Variants in ZNF470 observed in about 807,000 individuals in gnomAD.
ZNF470 encodes zinc finger protein 470.
A neutral mutation model predicts 13.9 loss-of-function variants in ZNF470; 13 were observed. The ratio of observed to expected loss-of-function variants is 0.94; its 90% CI spans 0.61 to 1.49. The LOEUF (loss-of-function observed/expected upper bound fraction) is 1.49, where lower values mean the gene tolerates loss of function less well. Among genes scored for constraint, ZNF470 ranks in the 40% most tolerant of loss-of-function variants. The pLI is 0.00. For missense variants in ZNF470, 929 were observed against 857.3 expected, an observed-to-expected ratio of 1.08 and a Z score of -1.04; for synonymous variants, 293 against 282.9, an observed-to-expected ratio of 1.04 and a Z score of -0.36.
In ZNF470 at chr19:56,574,044, T is replaced by C; in HGVS notation, c.61-350T>C. 2.7e-6 allele frequency: 2 copies of C among 746,296 alleles called. 1 individual carries two copies. The highest frequency in any genetic ancestry group is 1.3e-3 in the Middle Eastern group (2 of 1,482). 46.2% of individuals were successfully genotyped at this position (746,296 alleles called of 1,614,324 possible). A position where few individuals can be genotyped will look rare whatever the true frequency, so the allele number is the denominator to read the frequency against. The stretch of plus-strand genomic sequence containing the variant: ...TCCAGAGCTCTTTAGCTTCTCCATG[T>C]AGAGAAGTGATTTAGCTCCTAACAT... On this transcript the variant is annotated intron_variant, in intron 3 of 5. Coordinates refer to ENST00000330619, the MANE Select transcript of ZNF470 (RefSeq NM_001001668.4).
In ZNF470 at chr19:56,580,155, G is replaced by A. The variant is rs756516796; in HGVS notation, c.*1572G>A. 147 of 984,390 alleles carry A rather than the reference G, an allele frequency of 1.5e-4. No individual in the cohort carries two copies. Among genetic ancestry groups the A allele is most frequent in the Non-Finnish European group, 1.6e-4 (135 of 829,520 alleles). The allele number at this position is 984,390 out of a possible 1,614,324, so 61.0% of individuals were successfully genotyped here. ...AGGCACCTTACTATCCCCAGAACAT[G>A]TTGGTATTAGAGGATGAGGGAAGAA... On this transcript the variant is annotated 3_prime_UTR_variant, in exon 6 of 6. Transcript: ENST00000330619.
intron 3 of ZNF470, chr19:56,573,776 T>C (rs1419230763): frequency 1.7e-5 from 3 of 181,186 alleles, no homozygotes; most frequent in African/African-American, 7.1e-5. Context: ...ACCCTGTCTC[T>C]ACAAAATGAA....
intron 1 of ZNF470, among the ~76,000 whole-genome samples, chr19:56,568,477 C>G (rs946766848): frequency 6.6e-6 from 1 of 152,180 alleles, no homozygotes; most frequent in Non-Finnish European, 1.5e-5. Context: ...TCCAGCCTTT[C>G]TATGGCTTAA....
rs2044494278 is a variant in ZNF470 at position 56,577,099 on chromosome 19, GA to G, written c.674del (p.Lys225ArgfsTer4). On this transcript the variant is annotated frameshift_variant, in exon 6 of 6. Transcript: ENST00000330619. LOFTEE classifies it low-confidence loss of function (END_TRUNC). ...VVKKHKQDRGEKKLLKCNDCE... is the reference protein window; with the variant it reads ...VVKKHKQDRGXKKLLKCNDCE... ...GAAAAAACACAAGCAAGACCGTGGA[GA>G]AAAGAAACTTTTAAAATGTAATGAC... is the stretch of plus-strand genomic sequence containing the variant. 3.1e-6 allele frequency: 5 copies of G among 1,608,324 alleles called. No individual in the cohort carries two copies. In the Admixed American group the frequency reaches 5.1e-5, roughly 17 times the overall value.
At chr19:56,574,838 T>C in intron 5 of ZNF470, 105 bp downstream of exon 5, 1 of 953,824 alleles carries the variant, frequency 1.0e-6, no homozygotes, top group South Asian at 1.7e-5. Flanking sequence ...CTGAAACTTG[T>C]TCTTCTAACA....
At chr19:56,573,355 A>AT (rs1416050673) in intron 3 of ZNF470, among the ~76,000 whole-genome samples, 1 of 152,208 alleles carries the variant, frequency 6.6e-6, no homozygotes, top group Admixed American at 6.5e-5. Context: ...TTCAGATGGG[A>AT]AAACTGAGGC....
intron 1 of ZNF470, among the ~76,000 whole-genome samples, chr19:56,568,544 C>T (rs1031659123): frequency 6.6e-6 from 1 of 152,120 alleles, no homozygotes; most frequent in Non-Finnish European, 1.5e-5. Context: ...TCTCCCTCCC[C>T]TCTGGCCTCC....
Position 56,576,768 on chromosome 19 carries a change from A to G in ZNF470, c.339A>G (p.Glu113=). The change falls in exon 6 of 6, where the codon GAA becomes GAG. Residue 113 remains glutamate, a synonymous_variant. Coordinates refer to ENST00000330619, the MANE Select transcript of ZNF470 (RefSeq NM_001001668.4). The part of the protein sequence containing the change: ...KSLSLNQDIY[E]EKLPPAIIME... ...TATCTTTAAACCAGGATATTTATGA[A>G]GAAAAATTACCCCCGGCAATCATAA... 6.6e-7 allele frequency: 1 copy of G among 1,526,644 alleles called. No homozygotes were observed. Among genetic ancestry groups the G allele is most frequent in the Non-Finnish European group, 8.8e-7 (1 of 1,142,452 alleles). The allele number at this position is 1,526,644 out of a possible 1,614,324, so 94.6% of individuals were successfully genotyped here. A position where few individuals can be genotyped will look rare whatever the true frequency, so the allele number is the denominator to read the frequency against.
chr19:56,569,346 G>T (rs2044434201), intron 2 of ZNF470, among the ~76,000 whole-genome samples: 1 of 152,182 alleles, frequency 6.6e-6, no homozygotes, highest in African/African-American at 2.4e-5. Flanking sequence ...AAGTCACATG[G>T]ACTCTGTTGT....
At position 56,577,652 on chromosome 19, in the gene ZNF470, A is replaced by T. The variant is rs202150794; in HGVS notation, c.1223A>T (p.Asp408Val). Residue 408 changes from aspartate to valine, a missense_variant, in exon 6 of 6, where the codon GAT (aspartate) becomes GTT (valine). Asp to Val is a radical substitution (Grantham distance 152). Transcript: ENST00000330619. ...ATTGATTGTGGGAAGGCTTTCACTGATCACATAGGACTTATTCAGCATAAG... is the reference window on the plus strand; with the variant it reads ...ATTGATTGTGGGAAGGCTTTCACTGTTCACATAGGACTTATTCAGCATAAG... ...DCIDCGKAFT[D>V]HIGLIQHKRT... is the part of the protein sequence containing the mutation. 3.9e-4 allele frequency: 633 copies of T among 1,611,114 alleles called. 1 individual carries two copies. The highest frequency in any genetic ancestry group is 5.0e-4 in the Non-Finnish European group (585 of 1,177,670).
In ZNF470 at chr19:56,574,502, A is replaced by G. The variant is rs777878952; in HGVS notation, c.169A>G (p.Arg57Gly). Residue 57 changes from arginine (R) to glycine (G), a missense_variant, in exon 4 of 6, where the codon AGG becomes GGG. Arg to Gly is a moderately radical substitution (Grantham distance 125). Coordinates refer to ENST00000330619, the MANE Select transcript of ZNF470 (RefSeq NM_001001668.4). Reference protein sequence around the residue: ...LYKKVMLENYRNLVSVGLCIS... With the variant: ...LYKKVMLENYGNLVSVGLCIS... The stretch of plus-strand genomic sequence containing the variant: ...CAAGAAGGTGATGTTAGAAAACTAC[A>G]GGAACCTAGTTTCAGTGGGTAAGAG... The G allele has an allele frequency of 3.7e-6, 6 of 1,613,900 alleles. No individual in the cohort carries two copies. Among genetic ancestry groups the G allele is most frequent in the Admixed American group, 1.7e-5 (1 of 60,028 alleles).
intron 5 of ZNF470, 54 bp from the exon 6 acceptor site, chr19:56,576,659 T>C (rs1032075355): frequency 2.2e-5 from 30 of 1,342,820 alleles, no homozygotes; most frequent in Non-Finnish European, 2.9e-5. Flanking sequence ...TTTCGAAATT[T>C]CCATTATTCT....
rs758027055 is a variant in ZNF470 at position 56,577,212 on chromosome 19, T to G, written c.783T>G (p.Cys261Trp). ...AGAAACCCTATGAATGTATTGAATGTGGAAAGGCCTTTAGCCAGAGTGCCC... is the reference window on the plus strand; with the variant it reads ...AGAAACCCTATGAATGTATTGAATGGGGAAAGGCCTTTAGCCAGAGTGCCC... ...TGEKPYECIE[C>W]GKAFSQSAHL... is the part of the protein sequence containing the mutation. The change falls in exon 6 of 6, where the codon TGT (cysteine) becomes TGG (tryptophan). Residue 261 changes from cysteine to tryptophan, a missense_variant. Transcript: ENST00000330619. 9 of 1,612,140 alleles carry G rather than the reference T, an allele frequency of 5.6e-6. No individual in the cohort carries two copies.
At position 56,578,258 on chromosome 19, in the gene ZNF470, G is replaced by C; in HGVS notation, c.1829G>C (p.Cys610Ser). The C allele has an allele frequency of 6.2e-7, 1 of 1,613,522 alleles. No individual in the cohort carries two copies. The highest frequency in any genetic ancestry group is 8.5e-7 in the Non-Finnish European group (1 of 1,179,792). ...KAFRQRASLI[C>S]HQRCHTGEKP... ...TTCAGGCAGAGGGCATCCTTGATTT[G>C]TCATCAGAGATGTCATACTGGTGAG... Residue 610 changes from cysteine to serine, a missense_variant, in exon 6 of 6, where the codon TGT (cysteine) becomes TCT (serine). Coordinates refer to ENST00000330619, the MANE Select transcript of ZNF470 (RefSeq NM_001001668.4).
In ZNF470 at chr19:56,570,467, C is replaced by T. The variant is rs1039123811; in HGVS notation, c.60+96C>T. The T allele has an allele frequency of 6.6e-6, 8 of 1,204,220 alleles. No individual in the cohort carries two copies. The South Asian group carries it at 7.8e-5, about 12-fold the overall frequency. The allele number at this position is 1,204,220 out of a possible 1,614,324, so 74.6% of individuals were successfully genotyped here. The stretch of plus-strand genomic sequence containing the variant: ...TCTGAAAATATTGTGCTTAAGAGTT[C>T]CACCCTGAGGCCTGTTTCCTGTTTC... On this transcript the variant is annotated intron_variant, in intron 3 of 5. Coordinates refer to ENST00000330619, the MANE Select transcript of ZNF470 (RefSeq NM_001001668.4).
chr19:56,577,697 G>GT lies in ZNF470; in HGVS notation c.1268_1269insT (p.Arg423SerfsTer6). 1.9e-6 allele frequency: 3 copies of GT among 1,610,774 alleles called. No homozygotes were observed. Among genetic ancestry groups the GT allele is most frequent in the Non-Finnish European group, 2.5e-6 (3 of 1,177,600 alleles). On this transcript the variant is annotated frameshift_variant, in exon 6 of 6. Transcript: ENST00000330619. LOFTEE classifies it low-confidence loss of function (END_TRUNC). ...CATAAGAGAACTCATACTGGAGAGA[G>GT]ACCTTACAAATGTAATGTGTGTGGG...
At position 56,582,656 on chromosome 19, in the gene ZNF470, T is replaced by C; in HGVS notation, c.*4073T>C. The C allele has an allele frequency of 1.2e-6, 1 of 850,800 alleles. No homozygotes were observed. Among genetic ancestry groups the C allele is most frequent in the Non-Finnish European group, 1.4e-6 (1 of 707,360 alleles). 52.7% of individuals were successfully genotyped at this position (850,800 alleles called of 1,614,324 possible). ...GGCCTTTAAGAAACTAAGGTTAAGTTAGGCCATAAGAGTGAGGCCCTAATC... is the reference window on the plus strand; with the variant it reads ...GGCCTTTAAGAAACTAAGGTTAAGTCAGGCCATAAGAGTGAGGCCCTAATC... On this transcript the variant is annotated 3_prime_UTR_variant, in exon 6 of 6. Transcript: ENST00000330619.
rs780628210 is a variant in ZNF470 at position 56,577,872 on chromosome 19, T to C, written c.1443T>C (p.Tyr481=). 2 of 1,613,980 alleles carry C rather than the reference T, an allele frequency of 1.2e-6. No individual in the cohort carries two copies. Among genetic ancestry groups the C allele is most frequent in the Non-Finnish European group, 1.7e-6 (2 of 1,179,948 alleles). Residue 481 remains tyrosine, a synonymous_variant, in exon 6 of 6, where the codon TAT becomes TAC. Coordinates refer to ENST00000330619, the MANE Select transcript of ZNF470 (RefSeq NM_001001668.4). ...HQRVHTGEKP[Y]ECKECGKAFR... is the part of the protein sequence containing the mutation. ...GAGTTCATACTGGAGAGAAACCCTA[T>C]GAATGTAAAGAATGTGGGAAAGCTT... is the stretch of plus-strand genomic sequence containing the variant.
chr19:56,573,342 T>A (rs1046344462), intron 3 of ZNF470, among the ~76,000 whole-genome samples: 3 of 152,204 alleles, frequency 2.0e-5, no homozygotes, highest in African/African-American at 7.2e-5. Context: ...TATATTTCCA[T>A]TTTTCAGATG....
Sources: gnomAD v4.1 joint callset for allele counts (sites outside exome capture counted in the v4.1 genomes callset) on GRCh38, gnomAD v4.1.1 for gene constraint, MANE v1.5 for transcripts, NCBI Gene and HGNC (gene_info 2026-07-23, HGNC 2026-07-21) for gene names.